DIAPH3: variants seen among roughly 807,000 people sequenced by gnomAD.
DIAPH3 encodes diaphanous related formin 3.
In DIAPH3, 117 loss-of-function variants were observed where a neutral mutation model predicts 144.3. That is an observed-to-expected ratio of 0.81 (90% CI 0.70 to 0.95). The LOEUF (loss-of-function observed/expected upper bound fraction) is 0.95, where lower values mean the gene tolerates loss of function less well. Among genes scored for constraint, DIAPH3 ranks in the 40% least tolerant of loss-of-function variants. DIAPH3 has a pLI of 0.00. For missense variants in DIAPH3, 1,421 were observed against 1,412.7 expected, an observed-to-expected ratio of 1.01 and a Z score of -0.09; for synonymous variants, 519 against 488.9, an observed-to-expected ratio of 1.06 and a Z score of -0.81.
chr13:59,983,628 T>A (rs1053844417), intron 13 of DIAPH3, 141 bp downstream of exon 13: 18 of 614,126 alleles, frequency 2.9e-5, no homozygotes, highest in Non-Finnish European at 5.2e-5. Flanking sequence ...AGGCGAATAA[T>A]GTTTTTGTGC....
chr13:60,159,797 T>C (rs1952201070), intron 1 of DIAPH3, among the ~76,000 whole-genome samples: 1 of 152,158 alleles, frequency 6.6e-6, no homozygotes, highest in African/African-American at 2.4e-5. Flanking sequence ...CCTCACAAGG[T>C]TGTTCTAAGA....
At chr13:60,099,340 C>T (rs555229946) in intron 3 of DIAPH3, among the ~76,000 whole-genome samples, 4 of 152,294 alleles carry the variant, frequency 2.6e-5, no homozygotes, top group Middle Eastern at 3.4e-3. Context: ...TAATCTAACA[C>T]AAATGCTATT....
In DIAPH3 at chr13:59,963,030, T is replaced by G. The variant is rs533472680; in HGVS notation, c.2074+6914A>C. Among the ~76,000 whole-genome samples, 10 of 152,238 alleles carry G rather than the reference T, an allele frequency of 6.6e-5. No individual in the cohort carries two copies. In the East Asian group the frequency reaches 1.7e-3, roughly 26 times the overall value. On this transcript the variant is annotated intron_variant, in intron 17 of 27. Transcript: ENST00000400324. ...TGTGGGTTTTTTTTCCTATTCAAGT[T>G]CAGACCCCAGAATTCTATTTGCAGA...
intron 1 of DIAPH3, chr13:60,144,974 A>T (rs1951436469): frequency 6.6e-6 from 1 of 152,182 alleles, no homozygotes; most frequent in South Asian, 2.1e-4. Flanking sequence ...AGAACCCAAG[A>T]TTGCTAAATG....
At chr13:59,890,832 C>T (rs2045745399) in intron 20 of DIAPH3, among the ~76,000 whole-genome samples, 1 of 151,780 alleles carries the variant, frequency 6.6e-6, no homozygotes, top group African/African-American at 2.4e-5. Flanking sequence ...CTATTTTCAC[C>T]AAATTTTCAC....
At chr13:60,014,311 C>T (rs1436349183) in intron 7 of DIAPH3, among the ~76,000 whole-genome samples, 1 of 152,088 alleles carries the variant, frequency 6.6e-6, no homozygotes, top group African/African-American at 2.4e-5. Context: ...CAATTTGATT[C>T]TTTCATTCAT....
chr13:59,779,384 A>T (rs894637409), intron 25 of DIAPH3, among the ~76,000 whole-genome samples: 3 of 152,232 alleles, frequency 2.0e-5, no homozygotes, highest in Non-Finnish European at 4.4e-5. Flanking sequence ...TTGCTAAGTG[A>T]TATACAAATA....
chr13:59,968,464 T>A (rs1398762165), intron 17 of DIAPH3, among the ~76,000 whole-genome samples: 1 of 152,172 alleles, frequency 6.6e-6, no homozygotes, highest in Non-Finnish European at 1.5e-5. Flanking sequence ...AGTACACTAA[T>A]CTTATTTGAA....
chr13:59,749,852 A>T (rs981797432), intron 27 of DIAPH3, among the ~76,000 whole-genome samples: 1 of 152,196 alleles, frequency 6.6e-6, no homozygotes, highest in East Asian at 1.9e-4. Flanking sequence ...GAGGCACACA[A>T]GTGATGTATT....
At chr13:60,062,448 C>A (rs183934455) in intron 4 of DIAPH3, among the ~76,000 whole-genome samples, 4 of 152,104 alleles carry the variant, frequency 2.6e-5, no homozygotes, top group Admixed American at 6.5e-5. Context: ...AGTTTTTTTA[C>A]GATTACTACT....
At chr13:59,810,761 A>G in intron 25 of DIAPH3, 27 bp downstream of exon 25, 2 of 1,609,774 alleles carry the variant, frequency 1.2e-6, no homozygotes, top group Non-Finnish European at 1.7e-6. Context: ...TATACATAGA[A>G]TAAATAACAA....
intron 1 of DIAPH3, among the ~76,000 whole-genome samples, chr13:60,155,539 A>G (rs563503819): frequency 6.6e-6 from 1 of 152,380 alleles, no homozygotes; most frequent in South Asian, 2.1e-4. Flanking sequence ...GCAATTTCTT[A>G]GAACAGCAGC....
chr13:59,912,635 C>T (rs1247039512), intron 19 of DIAPH3, among the ~76,000 whole-genome samples: 1 of 152,060 alleles, frequency 6.6e-6, no homozygotes, highest in East Asian at 1.9e-4. Context: ...ACTATAATAG[C>T]GTTACAAGAA....
chr13:60,077,801 C>T (rs866277838), intron 4 of DIAPH3, among the ~76,000 whole-genome samples: 13 of 152,052 alleles, frequency 8.5e-5, no homozygotes, highest in African/African-American at 2.2e-4. Flanking sequence ...GCTGGGTGCA[C>T]GCACAGTGGC....
intron 17 of DIAPH3, among the ~76,000 whole-genome samples, chr13:59,928,520 T>C (rs1040708976): frequency 1.3e-5 from 2 of 152,210 alleles, no homozygotes; most frequent in African/African-American, 4.8e-5. Flanking sequence ...TCTAATTTTA[T>C]AGAGTAGCTT....
At chr13:59,692,416 C>G (rs1402973831) in intron 27 of DIAPH3, among the ~76,000 whole-genome samples, 1 of 150,186 alleles carries the variant, frequency 6.7e-6, no homozygotes, top group Non-Finnish European at 1.5e-5. Flanking sequence ...CCAACCCCCC[C>G]ATCCCCCGAC....
At chr13:59,882,372 G>A (rs1351166052) in intron 20 of DIAPH3, among the ~76,000 whole-genome samples, 1 of 152,180 alleles carries the variant, frequency 6.6e-6, no homozygotes, top group Non-Finnish European at 1.5e-5. Context: ...TTACAAGCAT[G>A]AGCCACTGCG....
chr13:59,714,181 A>G (rs1027967349), intron 27 of DIAPH3, among the ~76,000 whole-genome samples: 1 of 151,834 alleles, frequency 6.6e-6, no homozygotes, highest in African/African-American at 2.4e-5. Context: ...TAACACGGTG[A>G]AACCCCGTCT....
chr13:60,114,153 A>C (rs1566787594), intron 2 of DIAPH3, among the ~76,000 whole-genome samples: 2 of 151,748 alleles, frequency 1.3e-5, no homozygotes, highest in African/African-American at 4.9e-5. Flanking sequence ...AGAACTGAAA[A>C]CAGAAAGAGA....
Sources: gnomAD v4.1 joint callset for allele counts (sites outside exome capture counted in the v4.1 genomes callset) on GRCh38, gnomAD v4.1.1 for gene constraint, MANE v1.5 for transcripts, NCBI Gene and HGNC (gene_info 2026-07-23, HGNC 2026-07-21) for gene names.